Variants in MED12L observed in about 807,000 individuals in gnomAD.
MED12L encodes the protein mediator complex subunit 12L, also known as mediator of RNA polymerase II transcription subunit 12-like protein.
A neutral mutation model predicts 281.3 loss-of-function variants in MED12L; 60 were observed. The observed-to-expected ratio is 0.21, with a 90% CI of 0.17 to 0.26. MED12L has a LOEUF of 0.26. Ranked by LOEUF, MED12L falls within the 10% of genes least tolerant of loss-of-function variation. The pLI, the probability that MED12L is intolerant of heterozygous loss-of-function variation, is 1.00. For synonymous variants in MED12L, 974 were observed against 987.2 expected (o/e 0.99, Z 0.25); for missense variants, 2,146 against 2,680.9 (o/e 0.80, Z 4.41).
At chr3:151,111,516 G>T (rs758475021) in intron 2 of MED12L, among the ~76,000 whole-genome samples, 3 of 152,166 alleles carry the variant, frequency 2.0e-5, no homozygotes, top group Non-Finnish European at 4.4e-5. Context: ...CTGTCTGATT[G>T]CAGACCCTGG....
At chr3:151,261,596 A>C (rs946813844) in intron 16 of MED12L, among the ~76,000 whole-genome samples, 1 of 152,206 alleles carries the variant, frequency 6.6e-6, no homozygotes, top group African/African-American at 2.4e-5. Flanking sequence ...GCATGACCTG[A>C]GAACTTGCTG....
At chr3:151,334,636 A>T (rs1361811161) in intron 16 of MED12L, among the ~76,000 whole-genome samples, 1 of 152,042 alleles carries the variant, frequency 6.6e-6, no homozygotes, top group African/African-American at 2.4e-5. Context: ...AGTAGCTGGG[A>T]CTACAGGTGC....
intron 26 of MED12L, among the ~76,000 whole-genome samples, chr3:151,370,818 A>T (rs375743037): frequency 6.6e-6 from 1 of 152,242 alleles, no homozygotes; most frequent in Non-Finnish European, 1.5e-5. Context: ...TAAATGACAA[A>T]TATGCTAATG....
intron 25 of MED12L, among the ~76,000 whole-genome samples, chr3:151,368,457 A>T (rs1313841791): frequency 6.6e-6 from 1 of 152,060 alleles, no homozygotes; most frequent in Non-Finnish European, 1.5e-5. Flanking sequence ...GAGAAATACG[A>T]ATCAAGAGTT....
In MED12L at chr3:151,389,225, C is replaced by T. The variant is rs575055945; in HGVS notation, c.5452-754C>T. Reference sequence around the variant, plus strand: ...CAGCCTGTCAGTCCACGTGGATGGGCTTTTGTTCTTTTCTGATGAAAAAGC... The same window carrying T: ...CAGCCTGTCAGTCCACGTGGATGGGTTTTTGTTCTTTTCTGATGAAAAAGC... On this transcript the variant is annotated intron_variant, in intron 37 of 44. Coordinates refer to ENST00000687756, the MANE Select transcript of MED12L (RefSeq NM_001393769.1). Among the ~76,000 whole-genome samples, 95 of 152,270 alleles carry T rather than the reference C, an allele frequency of 6.2e-4. 1 individual carries two copies. The highest frequency in any genetic ancestry group is 2.2e-3 in the African/African-American group (90 of 41,554).
chr3:151,127,731 C>T, intron 4 of MED12L, 94 bp from the exon 5 acceptor site: 1 of 859,926 alleles, frequency 1.2e-6, no homozygotes, highest in Non-Finnish European at 1.8e-6. Flanking sequence ...AGGTAACTTA[C>T]AGACTCTTTC....
At chr3:151,261,711 TGTTTTGTTTTGTTTTTGTTG>T (rs1437921470) in intron 16 of MED12L, among the ~76,000 whole-genome samples, 1 of 151,364 alleles carries the variant, frequency 6.6e-6, no homozygotes, top group African/African-American at 2.4e-5. Flanking sequence ...TGTTTTGTTT[TGTTTTGTTTTGTTTTTGTTG>T]TGTTGTGTTT....
chr3:151,335,081 A>G (rs1750809499), intron 16 of MED12L, among the ~76,000 whole-genome samples: 1 of 152,204 alleles, frequency 6.6e-6, no homozygotes, highest in Non-Finnish European at 1.5e-5. Flanking sequence ...TGTAATGGTC[A>G]AATCAGGGTA....
chr3:151,263,287 G>A (rs1229624658), intron 16 of MED12L, among the ~76,000 whole-genome samples: 1 of 152,160 alleles, frequency 6.6e-6, no homozygotes, highest in Non-Finnish European at 1.5e-5. Context: ...AATGCCAGCT[G>A]AGTGGACCTC....
chr3:151,411,007 T>C (rs930705730), intron 40 of MED12L, among the ~76,000 whole-genome samples: 3 of 151,824 alleles, frequency 2.0e-5, no homozygotes, highest in African/African-American at 7.3e-5. Flanking sequence ...AAGCAGCTAA[T>C]CTTAAAAGCC....
intron 16 of MED12L, among the ~76,000 whole-genome samples, chr3:151,258,851 C>CA (rs63714361): frequency 2.3e-3 from 210 of 89,828 alleles, no homozygotes; most frequent in East Asian, 9.0e-3. Context: ...GATTCTGTCT[C>CA]AAAAAAAAAA....
At chr3:151,408,917 T>G (rs1489987815) in intron 39 of MED12L, among the ~76,000 whole-genome samples, 1 of 152,218 alleles carries the variant, frequency 6.6e-6, no homozygotes, top group Non-Finnish European at 1.5e-5. Context: ...TGGTTCCAGA[T>G]TTCACACTTA....
At chr3:151,334,158 C>T (rs1750666464) in intron 16 of MED12L, among the ~76,000 whole-genome samples, 1 of 133,180 alleles carries the variant, frequency 7.5e-6, no homozygotes, top group Non-Finnish European at 1.6e-5. Context: ...AATTTATTTC[C>T]TTATTGGTGA....
intron 5 of MED12L, among the ~76,000 whole-genome samples, chr3:151,152,344 G>A (rs1056507711): frequency 1.3e-5 from 2 of 151,792 alleles, no homozygotes; most frequent in African/African-American, 2.4e-5. Context: ...TCAAGCAATC[G>A]TCCTGCCTCA....
chr3:151,355,206 T>C lies in MED12L; in HGVS notation c.2484T>C (p.Leu828=), dbSNP rs1473531438. ...CTGTGTTCACTAAACTCCAGCTCCT[T>C]TCATATTTTGATCAACATCAAGTGA... ...LETVFTKLQL[L]SYFDQHQVTS... Residue 828 remains leucine, a synonymous_variant, in exon 18 of 45, where the codon CTT becomes CTC. Coordinates refer to ENST00000687756, the MANE Select transcript of MED12L (RefSeq NM_001393769.1). 1 of 1,613,540 alleles carries C rather than the reference T, an allele frequency of 6.2e-7. No individual in the cohort carries two copies. Among genetic ancestry groups the C allele is most frequent in the South Asian group, 1.1e-5 (1 of 91,006 alleles).
intron 16 of MED12L, among the ~76,000 whole-genome samples, chr3:151,251,285 C>T (rs988289219): frequency 1.1e-4 from 16 of 152,168 alleles, no homozygotes; most frequent in African/African-American, 3.9e-4. Context: ...GTGTCTCTCT[C>T]AATTTGTGAT....
intron 21 of MED12L, 53 bp from the exon 22 acceptor site, chr3:151,364,926 C>T: frequency 8.0e-7 from 1 of 1,249,638 alleles, no homozygotes; most frequent in Non-Finnish European, 1.2e-6. Flanking sequence ...AAATAGTTTT[C>T]TAGTTATTCT....
chr3:151,291,021 G>A (rs2149671445), intron 16 of MED12L, among the ~76,000 whole-genome samples: 1 of 152,234 alleles, frequency 6.6e-6, no homozygotes, highest in East Asian at 1.9e-4. Flanking sequence ...GTATCATGCT[G>A]AGCACAGTAT....
At chr3:151,327,914 T>C in intron 16 of MED12L, 1 of 1,057,994 alleles carries the variant, frequency 9.5e-7, no homozygotes. Context: ...CCAATCTTTT[T>C]TTCTTGGTTA....
Sources: allele counts gnomAD v4.1 joint callset (sites outside exome capture counted in the v4.1 genomes callset), GRCh38; gene constraint gnomAD v4.1.1; transcripts MANE v1.5; gene names NCBI Gene and HGNC (gene_info 2026-07-23, HGNC 2026-07-21).